TNFAIP8L3: variants seen among roughly 807,000 people sequenced by gnomAD.
TNFAIP8L3 encodes TNF alpha induced protein 8 like 3.
In TNFAIP8L3, 7 loss-of-function variants were observed where a neutral mutation model predicts 11.8. The ratio of observed to expected loss-of-function variants is 0.59; its 90% CI spans 0.34 to 1.11. The LOEUF (loss-of-function observed/expected upper bound fraction) is 1.11. Ranked by LOEUF, TNFAIP8L3 falls within the 50% of genes most tolerant of loss-of-function variation. TNFAIP8L3 has a pLI of 0.03. For missense variants in TNFAIP8L3, 219 were observed against 258.6 expected (o/e 0.85, Z 1.05); for synonymous variants, 98 against 103.8 (o/e 0.94, Z 0.34).
At chr15:51,064,685 G>C (rs1056735838) in intron 1 of TNFAIP8L3, 3 of 152,180 alleles carry the variant, frequency 2.0e-5, no homozygotes, top group Non-Finnish European at 4.4e-5. Flanking sequence ...GGGAGAGAGA[G>C]GGCACTGAGG....
intron 1 of TNFAIP8L3, among the ~76,000 whole-genome samples, chr15:51,063,695 G>A (rs549390095): frequency 5.3e-5 from 8 of 152,282 alleles, no homozygotes; most frequent in South Asian, 2.1e-4. Flanking sequence ...AGGATATCCC[G>A]AGAAAAGTAT....
chr15:51,063,648 C>T (rs1381018758), intron 1 of TNFAIP8L3, among the ~76,000 whole-genome samples: 1 of 152,204 alleles, frequency 6.6e-6, no homozygotes, highest in Non-Finnish European at 1.5e-5. Flanking sequence ...AATTATTGAG[C>T]ATTTACTCTT....
chr15:51,090,139 TG>T (rs755145519), intron 1 of TNFAIP8L3, among the ~76,000 whole-genome samples: 3 of 152,112 alleles, frequency 2.0e-5, no homozygotes, highest in Middle Eastern at 3.2e-3. Context: ...GTCTGTGGGG[TG>T]GGGGAGCCTG....
upstream of TNFAIP8L3, among the ~76,000 whole-genome samples, chr15:51,095,374 C>T (rs1303448447): frequency 6.6e-6 from 1 of 152,002 alleles, no homozygotes; most frequent in African/African-American, 2.4e-5. Context: ...CACCTAGTGA[C>T]GAAGTAAACA....
At chr15:51,066,319 T>C (rs1260040172) in intron 1 of TNFAIP8L3, among the ~76,000 whole-genome samples, 3 of 151,988 alleles carry the variant, frequency 2.0e-5, no homozygotes, top group Non-Finnish European at 4.4e-5. Context: ...CACACCACCA[T>C]GCCTGGCTAA....
At chr15:51,090,697 G>C (rs193194176) in intron 1 of TNFAIP8L3, among the ~76,000 whole-genome samples, 1 of 152,262 alleles carries the variant, frequency 6.6e-6, no homozygotes, top group Non-Finnish European at 1.5e-5. Context: ...AAGCATGTAG[G>C]GGAGGAGAGG....
At chr15:51,090,467 C>T (rs368028648) in intron 1 of TNFAIP8L3, among the ~76,000 whole-genome samples, 2 of 152,174 alleles carry the variant, frequency 1.3e-5, no homozygotes, top group East Asian at 1.9e-4. Context: ...ATGGGGGCTC[C>T]AGAAGCCCTG....
intron 1 of TNFAIP8L3, among the ~76,000 whole-genome samples, chr15:51,060,420 A>G (rs2140962494): frequency 6.6e-6 from 1 of 152,348 alleles, no homozygotes. Context: ...ATGTAGATGG[A>G]TCCATTCTAG....
upstream of TNFAIP8L3, among the ~76,000 whole-genome samples, chr15:51,096,021 G>C (rs1333307529): frequency 2.0e-5 from 3 of 152,182 alleles, no homozygotes; most frequent in African/African-American, 7.2e-5. Flanking sequence ...TTGAAAGTTG[G>C]CAAGTTCATA....
chr15:51,095,539 C>T (rs1421613523), upstream of TNFAIP8L3, among the ~76,000 whole-genome samples: 1 of 152,014 alleles, frequency 6.6e-6, no homozygotes, highest in African/African-American at 2.4e-5. Flanking sequence ...ATCAAGCAGC[C>T]GTGCTATTTC....
chr15:51,094,452 C>T lies in TNFAIP8L3; in HGVS notation c.52+92G>A. On this transcript the variant is annotated intron_variant, in intron 1 of 1. Coordinates refer to ENST00000637513, the MANE Select transcript of TNFAIP8L3 (RefSeq NM_001311175.2). The surrounding 1 kb of genome is among the most constrained non-coding windows in gnomAD (Gnocchi z 4.4). ...CAGTCTTGGCCTGGAAGGGGTCGGG[C>T]TGCTGAGGATCGGCTTCCCGATTTC... 2 of 1,317,618 alleles carry T rather than the reference C, an allele frequency of 1.5e-6. No individual in the cohort carries two copies. The highest frequency in any genetic ancestry group is 2.0e-6 in the Non-Finnish European group (2 of 1,022,424). 81.6% of individuals were successfully genotyped at this position (1,317,618 alleles called of 1,614,324 possible). A position where few individuals can be genotyped will look rare whatever the true frequency, so the allele number is the denominator to read the frequency against.
intron 1 of TNFAIP8L3, among the ~76,000 whole-genome samples, chr15:51,077,823 G>C (rs1333694163): frequency 6.6e-6 from 1 of 152,204 alleles, no homozygotes. Flanking sequence ...ACTCCAGCTC[G>C]AGTGTGCTGG....
At chr15:51,081,782 A>G (rs12591434) in intron 1 of TNFAIP8L3, among the ~76,000 whole-genome samples, 31,047 of 152,140 alleles carry the variant, frequency 0.2, 3,648 homozygotes, top group East Asian at 0.44. Flanking sequence ...TCCTGGGTAG[A>G]GGTGGTTGGT....
chr15:51,101,568 C>A (rs769902867), intron 1 of TNFAIP8L3, among the ~76,000 whole-genome samples: 7 of 151,288 alleles, frequency 4.6e-5, no homozygotes, highest in Non-Finnish European at 8.8e-5. Flanking sequence ...TTGCAGTTAG[C>A]TGAGATCCCG....
At chr15:51,102,859 TTCCTC>T (rs2065564050) in intron 1 of TNFAIP8L3, among the ~76,000 whole-genome samples, 1 of 152,196 alleles carries the variant, frequency 6.6e-6, no homozygotes, top group South Asian at 2.1e-4. Flanking sequence ...TTACTGATCT[TTCCTC>T]TCCTTTTACC....
chr15:51,091,676 GCACACACACA>G (rs3077947), intron 1 of TNFAIP8L3, among the ~76,000 whole-genome samples: 3,851 of 144,060 alleles, frequency 0.027, 62 homozygotes, highest in Non-Finnish European at 0.034. Context: ...ACCTCCTCAA[GCACACACACA>G]CACACACACA....
At chr15:51,064,781 G>T (rs1052940745) in intron 1 of TNFAIP8L3, 1 of 152,196 alleles carries the variant, frequency 6.6e-6, no homozygotes, top group Admixed American at 6.5e-5. Context: ...TCTGCACAGG[G>T]TGCCTATTGG....
intron 1 of TNFAIP8L3, chr15:51,104,880 G>A: frequency 1.8e-6 from 2 of 1,117,212 alleles, no homozygotes; most frequent in East Asian, 2.4e-5. Flanking sequence ...TAAGAGATGG[G>A]CTGCCTGTGC....
At chr15:51,067,954 G>A (rs546082974) in intron 1 of TNFAIP8L3, among the ~76,000 whole-genome samples, 8 of 152,294 alleles carry the variant, frequency 5.3e-5, no homozygotes, top group African/African-American at 1.9e-4. Flanking sequence ...CAAGAAATGG[G>A]CCATCTACAT....
Sources: allele counts gnomAD v4.1 joint callset (sites outside exome capture counted in the v4.1 genomes callset), GRCh38; gene constraint gnomAD v4.1.1; non-coding constraint Gnocchi (gnomAD v3.1); transcripts MANE v1.5; gene names NCBI Gene and HGNC (gene_info 2026-07-23, HGNC 2026-07-21).